The following CCDC77 variants were observed in gnomAD, a reference collection of about 807,000 sequenced individuals.
CCDC77 encodes coiled-coil domain-containing protein 77.
A neutral mutation model predicts 66.8 loss-of-function variants in CCDC77; 56 were observed. That is an observed-to-expected ratio of 0.84 (90% CI 0.68 to 1.05). CCDC77 has a LOEUF of 1.05. Ranked by LOEUF, CCDC77 falls within the 50% of genes least tolerant of loss-of-function variation. The pLI is 0.00. For synonymous variants in CCDC77, 196 were observed against 195.2 expected (o/e 1.00, Z -0.03); for missense variants, 570 against 576.8 (o/e 0.99, Z 0.12).
At chr12:418,666 G>A in intron 5 of CCDC77, 30 bp downstream of exon 5, 4 of 1,600,470 alleles carry the variant, frequency 2.5e-6, no homozygotes, top group Middle Eastern at 1.7e-4. Flanking sequence ...AAATGTTGGA[G>A]TTTAACTTTA....
intron 9 of CCDC77, among the ~76,000 whole-genome samples, chr12:434,477 C>T (rs1945711761): frequency 6.6e-6 from 1 of 152,028 alleles, no homozygotes; most frequent in African/African-American, 2.4e-5. Context: ...CTCAGCCTTC[C>T]AAGTAGCTGT....
chr12:432,563 G>C (rs1945673258), intron 8 of CCDC77, among the ~76,000 whole-genome samples: 1 of 152,154 alleles, frequency 6.6e-6, no homozygotes, highest in Non-Finnish European at 1.5e-5. Flanking sequence ...ACTAAGAAAA[G>C]AGTCATTTTG....
chr12:423,309 T>TATA lies in CCDC77; in HGVS notation c.413+4673_413+4674insATA, dbSNP rs1555145524. ...CAGCTAATTTTTATATATATATATATTTTTTTTTTTTGTGGAGACAAGGTT... is the reference window on the plus strand; with the variant it reads ...CAGCTAATTTTTATATATATATATATATATTTTTTTTTTTGTGGAGACAAGGTT... On this transcript the variant is annotated intron_variant, in intron 5 of 12. Transcript: ENST00000239830. Among the ~76,000 whole-genome samples, 598 of 75,134 alleles carry TATA rather than the reference T, an allele frequency of 8.0e-3. 4 individuals carry two copies. The highest frequency in any genetic ancestry group is 0.02 in the African/African-American group (411 of 20,544). 49.3% of individuals were successfully genotyped at this position (75,134 alleles called of 152,430 possible). A position where few individuals can be genotyped will look rare whatever the true frequency, so the allele number is the denominator to read the frequency against.
chr12:424,919 CTTT>C (rs529763979), intron 5 of CCDC77, among the ~76,000 whole-genome samples: 1 of 129,442 alleles, frequency 7.7e-6, no homozygotes, highest in East Asian at 2.2e-4. Flanking sequence ...TGGTTTCTTT[CTTT>C]TTTTTTTTTT....
At chr12:416,361 G>A (rs1182651521) in intron 4 of CCDC77, among the ~76,000 whole-genome samples, 1,377 of 37,422 alleles carry the variant, frequency 0.037, 113 homozygotes, top group East Asian at 0.21. Flanking sequence ...GTGTGTGTGT[G>A]TGTGTGTGTG....
chr12:394,852 T>C (rs1174209105), intron 1 of CCDC77, among the ~76,000 whole-genome samples: 1 of 152,162 alleles, frequency 6.6e-6, no homozygotes, highest in Non-Finnish European at 1.5e-5. Flanking sequence ...ATTCCACATC[T>C]CTATGTGCCA....
In CCDC77 at chr12:442,023, G is replaced by A; in HGVS notation, c.*103G>A. 1.6e-6 allele frequency: 2 copies of A among 1,224,944 alleles called. No individual in the cohort carries two copies. Among genetic ancestry groups the A allele is most frequent in the Non-Finnish European group, 1.2e-6 (1 of 853,174 alleles). The allele number at this position is 1,224,944 out of a possible 1,614,324, so 75.9% of individuals were successfully genotyped here. A position where few individuals can be genotyped will look rare whatever the true frequency, so the allele number is the denominator to read the frequency against. On this transcript the variant is annotated 3_prime_UTR_variant, in exon 13 of 13. Coordinates refer to ENST00000239830, the MANE Select transcript of CCDC77 (RefSeq NM_032358.4). ...AAAATGTAAACCTGAGTTGACTAGA[G>A]TGGTGGTATTCATTATTGTAAAGAC...
At chr12:428,669 T>A in intron 5 of CCDC77, 100 bp from the exon 6 acceptor site, 1 of 625,298 alleles carries the variant, frequency 1.6e-6, no homozygotes, top group Non-Finnish European at 2.5e-6. Context: ...GGGGTTACAA[T>A]TGTTTTAAAA....
intron 6 of CCDC77, among the ~76,000 whole-genome samples, chr12:429,792 A>T (rs1018264057): frequency 6.6e-5 from 10 of 151,902 alleles, no homozygotes; most frequent in South Asian, 4.2e-4. Context: ...TAAAAATTTT[A>T]AAAAAATTTT....
chr12:418,135 A>G (rs781026033), intron 4 of CCDC77, among the ~76,000 whole-genome samples: 4 of 152,084 alleles, frequency 2.6e-5, no homozygotes, highest in Non-Finnish European at 4.4e-5. Context: ...CCTGCCCAAC[A>G]TGGCGAAACC....
At chr12:435,847 T>G (rs1945740047) in intron 9 of CCDC77, among the ~76,000 whole-genome samples, 1 of 152,144 alleles carries the variant, frequency 6.6e-6, no homozygotes, top group Admixed American at 6.6e-5. Flanking sequence ...CAAGCAATCC[T>G]CCTGCCTCAG....
At chr12:397,677 T>C (rs1944845937), upstream of CCDC77, among the ~76,000 whole-genome samples, 1 of 151,968 alleles carries the variant, frequency 6.6e-6, no homozygotes, top group African/African-American at 2.4e-5. Flanking sequence ...GACAGAGTCT[T>C]GCTCTGTCAC....
upstream of CCDC77, among the ~76,000 whole-genome samples, chr12:398,472 C>A (rs986770064): frequency 2.7e-5 from 4 of 150,742 alleles, no homozygotes; most frequent in African/African-American, 7.3e-5. Flanking sequence ...CAGAATCTTG[C>A]TCTGTTGCCC....
At chr12:413,239 GT>G (rs934685347) in intron 4 of CCDC77, among the ~76,000 whole-genome samples, 1 of 140,748 alleles carries the variant, frequency 7.1e-6, no homozygotes, top group African/African-American at 2.7e-5. Context: ...TGCCCGGCCT[GT>G]TTTTTTGTTT....
chr12:431,839 C>G (rs1270263605), intron 7 of CCDC77, 27 bp from the exon 8 acceptor site: 7 of 1,457,618 alleles, frequency 4.8e-6, no homozygotes, highest in Non-Finnish European at 5.7e-6. Context: ...GTAAAATCTT[C>G]TTGATGGATT....
chr12:431,845 G>A, intron 7 of CCDC77, 21 bp from the exon 8 acceptor site: 1 of 1,497,688 alleles, frequency 6.7e-7, no homozygotes, highest in Non-Finnish European at 9.2e-7. Context: ...TCTTCTTGAT[G>A]GATTTTGTTT....
rs369317610 is a variant in CCDC77, at chr12:409,365, T to C, written c.-16-3T>C. On this transcript the variant is annotated splice_region_variant and splice_polypyrimidine_tract_variant and intron_variant, in intron 2 of 12. Coordinates refer to ENST00000239830, the MANE Select transcript of CCDC77 (RefSeq NM_032358.4). ...TAATTATGAATTTTTGTGTATTTGA[T>C]AGGTGTGAAAAAGACAGCATGAACT... is the stretch of plus-strand genomic sequence containing the variant. The C allele has an allele frequency of 6.7e-5, 108 of 1,609,206 alleles. No individual in the cohort carries two copies. The highest frequency in any genetic ancestry group is 9.1e-5 in the Non-Finnish European group (107 of 1,176,392).
intron 4 of CCDC77, among the ~76,000 whole-genome samples, 162 bp from the exon 5 acceptor site, chr12:418,332 A>C (rs1232613219): frequency 2.0e-5 from 3 of 152,096 alleles, no homozygotes. Context: ...AAAAACAAAC[A>C]AACTCCAGTC....
chr12:398,443 CTTT>C (rs35850472), upstream of CCDC77, among the ~76,000 whole-genome samples: 4 of 145,914 alleles, frequency 2.7e-5, no homozygotes, highest in Non-Finnish European at 3.0e-5. Context: ...TCAGGTTCCA[CTTT>C]TTTTTTTTTT....
Sources: gnomAD v4.1 joint callset for allele counts (sites outside exome capture counted in the v4.1 genomes callset) on GRCh38, gnomAD v4.1.1 for gene constraint, MANE v1.5 for transcripts, NCBI Gene and HGNC (gene_info 2026-07-23, HGNC 2026-07-21) for gene names.